The following KCNQ5 variants were observed in gnomAD, a reference collection of about 807,000 sequenced individuals.
The protein encoded by KCNQ5 is potassium voltage-gated channel subfamily Q member 5, also known as potassium voltage-gated channel subfamily KQT member 5.
KCNQ5 carries 30 observed loss-of-function variants against 98.2 expected under a neutral mutation model. That is an observed-to-expected ratio of 0.31 (90% CI 0.23 to 0.41). The LOEUF (loss-of-function observed/expected upper bound fraction) is 0.41, where lower values mean the gene tolerates loss of function less well. KCNQ5 is among the 10% of genes least tolerant of loss of function. KCNQ5 has a pLI of 1.00. For missense variants in KCNQ5, 835 were observed against 1,182.5 expected (o/e 0.71, Z 4.31); for synonymous variants, 458 against 449.4 (o/e 1.02, Z -0.24).
chr6:73,151,564 T>C (rs1001938417), intron 10 of KCNQ5, among the ~76,000 whole-genome samples: 6 of 152,244 alleles, frequency 3.9e-5, no homozygotes, highest in African/African-American at 1.4e-4. Flanking sequence ...AAATACCTTG[T>C]TCATTGTTGC....
intron 7 of KCNQ5, among the ~76,000 whole-genome samples, chr6:73,111,869 T>C (rs1372364850): frequency 6.6e-6 from 1 of 152,262 alleles, no homozygotes; most frequent in African/African-American, 2.4e-5. Flanking sequence ...AAATTGCTTT[T>C]AGTGCCATCT....
chr6:72,798,996 A>G lies in KCNQ5; in HGVS notation c.398+176409A>G, dbSNP rs1774489849. 2.0e-5 allele frequency among the ~76,000 whole-genome samples: 3 copies of G among 152,144 alleles called. 1 individual carries two copies. The highest frequency in any genetic ancestry group is 4.1e-4 in the South Asian group (2 of 4,834). ...ATGTGTGGGATATGTTTTTAAATTT[A>G]CAAACATTTAGTTATATAAATGGCA... is the stretch of plus-strand genomic sequence containing the variant. On this transcript the variant is annotated intron_variant, in intron 1 of 13. Coordinates refer to ENST00000370398, the MANE Select transcript of KCNQ5 (RefSeq NM_019842.4).
At chr6:72,866,135 A>T (rs1777969809) in intron 1 of KCNQ5, among the ~76,000 whole-genome samples, 1 of 152,062 alleles carries the variant, frequency 6.6e-6, no homozygotes, top group African/African-American at 2.4e-5. Flanking sequence ...AATATAAAAT[A>T]GCAGAGGCAA....
intron 1 of KCNQ5, among the ~76,000 whole-genome samples, chr6:72,655,058 TTC>T (rs1174223255): frequency 6.7e-6 from 1 of 150,142 alleles, no homozygotes; most frequent in Non-Finnish European, 1.5e-5. Flanking sequence ...CTTTCTTTCT[TTC>T]TTTCTTTCTT....
intron 1 of KCNQ5, among the ~76,000 whole-genome samples, chr6:72,780,634 G>C (rs1257582697): frequency 6.6e-6 from 1 of 152,194 alleles, no homozygotes; most frequent in Non-Finnish European, 1.5e-5. Context: ...TGGGTGAGGA[G>C]TGGAAGACTT....
intron 1 of KCNQ5, among the ~76,000 whole-genome samples, chr6:72,665,273 G>A (rs1328046358): frequency 6.6e-6 from 1 of 150,944 alleles, no homozygotes; most frequent in African/African-American, 2.4e-5. Flanking sequence ...ACTTGAACCT[G>A]GGAGACAGAG....
chr6:73,026,009 A>C (rs1246531893), intron 2 of KCNQ5, among the ~76,000 whole-genome samples: 1 of 152,192 alleles, frequency 6.6e-6, no homozygotes, highest in East Asian at 1.9e-4. Context: ...TTCTTAGCTT[A>C]GATTCTCATT....
chr6:73,122,660 T>A (rs922346786), intron 8 of KCNQ5, among the ~76,000 whole-genome samples: 1 of 152,354 alleles, frequency 6.6e-6, no homozygotes, highest in African/African-American at 2.4e-5. Context: ...CTTCCAGTGA[T>A]GCTTCATTGC....
At chr6:72,747,919 A>T (rs1274666281) in intron 1 of KCNQ5, among the ~76,000 whole-genome samples, 1 of 152,190 alleles carries the variant, frequency 6.6e-6, no homozygotes, top group Non-Finnish European at 1.5e-5. Flanking sequence ...GAAGCAAGAA[A>T]ACACTCAGCT....
chr6:73,169,664 C>A, intron 10 of KCNQ5, 82 bp from the exon 11 acceptor site: 1 of 974,202 alleles, frequency 1.0e-6, no homozygotes, highest in Non-Finnish European at 1.7e-6. Flanking sequence ...GAGTATCCCG[C>A]CATTTCCACG....
At chr6:72,797,765 A>G (rs896090003) in intron 1 of KCNQ5, among the ~76,000 whole-genome samples, 6 of 152,178 alleles carry the variant, frequency 3.9e-5, no homozygotes, top group African/African-American at 1.4e-4. Context: ...ACAACAAAAT[A>G]AGATCAAATT....
chr6:73,158,179 C>A, intron 10 of KCNQ5: 1 of 327,606 alleles, frequency 3.1e-6, no homozygotes, highest in Non-Finnish European at 5.9e-6. Flanking sequence ...AGGGAACGTC[C>A]GGGCGAGCAC....
chr6:72,996,361 C>T (rs145654109), intron 1 of KCNQ5, among the ~76,000 whole-genome samples: 4 of 152,266 alleles, frequency 2.6e-5, no homozygotes, highest in East Asian at 1.9e-4. Context: ...CCAGAAGCAA[C>T]GTGTTAATAG....
chr6:73,126,977 A>G (rs1776013778), intron 9 of KCNQ5, among the ~76,000 whole-genome samples: 1 of 152,178 alleles, frequency 6.6e-6, no homozygotes, highest in African/African-American at 2.4e-5. Context: ...AAAATTAAAA[A>G]CATTGCAATA....
At chr6:72,976,926 C>A (rs1768183148) in intron 1 of KCNQ5, among the ~76,000 whole-genome samples, 1 of 152,142 alleles carries the variant, frequency 6.6e-6, no homozygotes. Flanking sequence ...TTGCTTAGAC[C>A]AAGCCAGATT....
At chr6:73,193,993 C>T (rs751010259) in intron 13 of KCNQ5, among the ~76,000 whole-genome samples, 1 of 152,024 alleles carries the variant, frequency 6.6e-6, no homozygotes, top group Non-Finnish European at 1.5e-5. Flanking sequence ...TGCACCACCA[C>T]ACCTGGCTGA....
intron 1 of KCNQ5, among the ~76,000 whole-genome samples, chr6:72,740,685 C>A (rs780285572): frequency 2.0e-4 from 30 of 151,974 alleles, no homozygotes; most frequent in Non-Finnish European, 4.1e-4. Context: ...AAGACTTCTC[C>A]AAGCAGAGTT....
chr6:72,830,646 C>T (rs559822623), intron 1 of KCNQ5, among the ~76,000 whole-genome samples: 16 of 152,150 alleles, frequency 1.1e-4, no homozygotes, highest in Admixed American at 5.2e-4. Flanking sequence ...AAGAAAACCT[C>T]GGCAATACCG....
chr6:73,066,674 C>A (rs559686932), intron 3 of KCNQ5, among the ~76,000 whole-genome samples: 1 of 152,268 alleles, frequency 6.6e-6, no homozygotes, highest in African/African-American at 2.4e-5. Context: ...CTTGCCAGTT[C>A]AATCCAACTA....
Sources: gnomAD v4.1 joint callset for allele counts (sites outside exome capture counted in the v4.1 genomes callset) on GRCh38, gnomAD v4.1.1 for gene constraint, MANE v1.5 for transcripts, NCBI Gene and HGNC (gene_info 2026-07-23, HGNC 2026-07-21) for gene names.